ZNF704: variants seen among roughly 807,000 people sequenced by gnomAD.
ZNF704 encodes the protein zinc finger protein 704, also known as glucocorticoid induced gene 1.
In ZNF704, 10 loss-of-function variants were observed where a neutral mutation model predicts 44.7. The ratio of observed to expected loss-of-function variants is 0.22; its 90% confidence interval spans 0.14 to 0.38. The LOEUF is 0.38. ZNF704 is among the 10% of genes least tolerant of loss of function. The pLI is 1.00. For missense variants in ZNF704, 390 were observed against 545.5 expected (o/e 0.71, Z 2.84); for synonymous variants, 211 against 207.6 (o/e 1.02, Z -0.14).
chr8:80,845,253 G>T (rs569169102), intron 1 of ZNF704, among the ~76,000 whole-genome samples: 1 of 152,120 alleles, frequency 6.6e-6, no homozygotes, highest in Non-Finnish European at 1.5e-5. Flanking sequence ...AGTTGGGCTG[G>T]GTTCAATGCC....
At chr8:80,703,159 C>T (rs773320914) in intron 2 of ZNF704, among the ~76,000 whole-genome samples, 19 of 152,108 alleles carry the variant, frequency 1.2e-4, no homozygotes, top group Non-Finnish European at 2.1e-4. Context: ...AAGTCCTCTG[C>T]GGGGCAACTC....
At chr8:80,783,418 T>A (rs528796019) in intron 2 of ZNF704, among the ~76,000 whole-genome samples, 1 of 152,324 alleles carries the variant, frequency 6.6e-6, no homozygotes, top group African/African-American at 2.4e-5. Flanking sequence ...GCTGCACAGA[T>A]AATCCCATCA....
At chr8:80,736,631 T>C (rs1015486179) in intron 2 of ZNF704, among the ~76,000 whole-genome samples, 2 of 152,058 alleles carry the variant, frequency 1.3e-5, no homozygotes, top group Non-Finnish European at 2.9e-5. Flanking sequence ...TTAAAAAAAA[T>C]TGGTGCCTGG....
intron 2 of ZNF704, among the ~76,000 whole-genome samples, chr8:80,702,400 G>A (rs550980441): frequency 8.5e-5 from 13 of 152,198 alleles, no homozygotes; most frequent in Non-Finnish European, 1.9e-4. Flanking sequence ...GCTCAGCTGA[G>A]GTTAGAAAGC....
chr8:80,649,193 G>A (rs1289647376), intron 7 of ZNF704, among the ~76,000 whole-genome samples: 1 of 152,166 alleles, frequency 6.6e-6, no homozygotes, highest in East Asian at 1.9e-4. Flanking sequence ...TTTTAAATTA[G>A]ATGGCCAAAT....
At chr8:80,656,977 C>A (rs1818025468) in intron 7 of ZNF704, among the ~76,000 whole-genome samples, 5 of 152,004 alleles carry the variant, frequency 3.3e-5, no homozygotes, top group Admixed American at 3.3e-4. Context: ...GTCTGAAAAC[C>A]CTATTACACC....
chr8:80,643,693 C>T (rs1292129554), intron 7 of ZNF704, among the ~76,000 whole-genome samples: 1 of 152,112 alleles, frequency 6.6e-6, no homozygotes, highest in Non-Finnish European at 1.5e-5. Flanking sequence ...CATATCTATG[C>T]ATTTCAAGTG....
At chr8:80,737,832 A>C (rs1231192349) in intron 2 of ZNF704, among the ~76,000 whole-genome samples, 1 of 152,202 alleles carries the variant, frequency 6.6e-6, no homozygotes, top group African/African-American at 2.4e-5. Context: ...AAACCTAAGA[A>C]AGCAGCATTA....
intron 2 of ZNF704, among the ~76,000 whole-genome samples, chr8:80,729,453 C>T (rs1020997281): frequency 5.9e-5 from 9 of 152,094 alleles, no homozygotes; most frequent in Non-Finnish European, 1.2e-4. Flanking sequence ...GCCTGGCGTG[C>T]AGAAGGAGCT....
chr8:80,755,093 A>G (rs768373228), intron 2 of ZNF704, among the ~76,000 whole-genome samples: 3 of 152,182 alleles, frequency 2.0e-5, no homozygotes, highest in Non-Finnish European at 2.9e-5. Flanking sequence ...CCTTCCCACC[A>G]TGGCTTAAGA....
At chr8:80,798,201 A>C in intron 2 of ZNF704, among the ~76,000 whole-genome samples, 1 of 152,070 alleles carries the variant, frequency 6.6e-6, no homozygotes, top group South Asian at 2.1e-4. Flanking sequence ...ACATGTTTCC[A>C]ATACCTTGTT....
intron 4 of ZNF704, among the ~76,000 whole-genome samples, chr8:80,686,585 G>T (rs1818541270): frequency 2.6e-5 from 4 of 151,876 alleles, no homozygotes; most frequent in Admixed American, 1.3e-4. Context: ...TAGAGACAGG[G>T]TCTTGCTATG....
chr8:80,856,314 C>T (rs1808960685), intron 1 of ZNF704, among the ~76,000 whole-genome samples: 1 of 151,924 alleles, frequency 6.6e-6, no homozygotes, highest in Admixed American at 6.6e-5. Context: ...CTTGTATCTG[C>T]CTTTCAATTG....
intron 2 of ZNF704, among the ~76,000 whole-genome samples, chr8:80,791,336 T>C (rs1807705244): frequency 6.6e-6 from 1 of 152,192 alleles, no homozygotes; most frequent in Non-Finnish European, 1.5e-5. Flanking sequence ...GCCATCCCTG[T>C]CCCTGCAGAT....
chr8:80,653,626 C>T (rs1367995442), intron 7 of ZNF704, among the ~76,000 whole-genome samples: 1 of 152,106 alleles, frequency 6.6e-6, no homozygotes. Context: ...AGGAATCCAA[C>T]TTACAAGGGA....
chr8:80,819,682 T>C (rs1483653205), intron 2 of ZNF704, among the ~76,000 whole-genome samples: 1 of 152,066 alleles, frequency 6.6e-6, no homozygotes, highest in Non-Finnish European at 1.5e-5. Context: ...TTCACAACCA[T>C]GCCACAGTAG....
At chr8:80,833,311 C>T (rs1477153519) in intron 1 of ZNF704, among the ~76,000 whole-genome samples, 1 of 152,150 alleles carries the variant, frequency 6.6e-6, no homozygotes, top group Non-Finnish European at 1.5e-5. Context: ...GATTGTGCCA[C>T]TGCACTCCAG....
At chr8:80,708,533 G>A (rs1174567500) in intron 2 of ZNF704, among the ~76,000 whole-genome samples, 3 of 152,224 alleles carry the variant, frequency 2.0e-5, no homozygotes, top group Admixed American at 6.5e-5. Context: ...AATACACGTG[G>A]CTTCTAAGCC....
At chr8:80,688,990 G>A (rs1049065480) in intron 3 of ZNF704, among the ~76,000 whole-genome samples, 7 of 150,932 alleles carry the variant, frequency 4.6e-5, no homozygotes, top group Non-Finnish European at 1.0e-4. Flanking sequence ...AGTCTTCTGG[G>A]TGCTCTTTTA....
Sources: gnomAD v4.1 joint callset for allele counts (sites outside exome capture counted in the v4.1 genomes callset) on GRCh38, gnomAD v4.1.1 for gene constraint, MANE v1.5 for transcripts, NCBI Gene and HGNC (gene_info 2026-07-23, HGNC 2026-07-21) for gene names.